The following SLC16A10 variants were observed in gnomAD, a reference collection of about 807,000 sequenced individuals.
SLC16A10 encodes the protein solute carrier family 16 member 10.
SLC16A10 carries 27 observed loss-of-function variants against 40.0 expected under a neutral mutation model. The observed-to-expected ratio is 0.67, with a 90% CI of 0.50 to 0.93. The LOEUF (loss-of-function observed/expected upper bound fraction) is 0.93. Ranked by LOEUF, SLC16A10 falls within the 40% of genes least tolerant of loss-of-function variation. The probability of loss-of-function intolerance (pLI) is 0.00; values close to 1 mark genes in which losing one functional copy is unlikely to be tolerated. For synonymous variants in SLC16A10, 213 were observed against 249.8 expected, an observed-to-expected ratio of 0.85 and a Z score of 1.39; for missense variants, 529 against 658.2, an observed-to-expected ratio of 0.80 and a Z score of 2.15.
chr6:111,091,721 C>T (rs940857491), intron 1 of SLC16A10, among the ~76,000 whole-genome samples: 2 of 152,198 alleles, frequency 1.3e-5, no homozygotes, highest in African/African-American at 4.8e-5. Context: ...GTTAACTCTT[C>T]CCACGCAATG....
rs1771108666 is a variant in SLC16A10 at position 111,231,074 on chromosome 6, A to G, written c.*8839A>G. The G allele has an allele frequency of 6.6e-6, 1 of 152,212 alleles. No homozygotes were observed. The highest frequency in any genetic ancestry group is 1.5e-5 in the Non-Finnish European group (1 of 68,052). The allele number at this position is 152,212 out of a possible 1,614,324, so 9.4% of individuals were successfully genotyped here. ...TTTTTTTAATAATGTGCAATTTAAT[A>G]TAGATAACCAAAATCTTTTTAATGA... On this transcript the variant is annotated 3_prime_UTR_variant, in exon 6 of 6. Transcript: ENST00000368851.
intron 4 of SLC16A10, among the ~76,000 whole-genome samples, chr6:111,212,869 C>T (rs1383688082): frequency 4.0e-5 from 6 of 151,544 alleles, no homozygotes; most frequent in African/African-American, 7.3e-5. Context: ...AAGTGCATTA[C>T]GTAGAATAAT....
Position 111,177,569 on chromosome 6 carries a change from T to G in SLC16A10, c.846T>G (p.Ile282Met), listed in dbSNP as rs1447099669. The G allele has an allele frequency of 3.7e-6, 6 of 1,612,362 alleles. No homozygotes were observed. The highest frequency in any genetic ancestry group is 3.3e-5 in the South Asian group (3 of 90,968). Residue 282 changes from isoleucine to methionine, a missense_variant, in exon 3 of 6, where the codon ATT becomes ATG. Ile to Met is a conservative substitution (Grantham distance 10). Transcript: ENST00000368851. ...AAAAGTTCAGTCCTCCAAAAAAAAT[T>G]TTCAATTTTGCCATCTTCAAGGTGA... ...SRKKFSPPKK[I>M]FNFAIFKVTA...
At chr6:111,221,066 C>T (rs887641272) in intron 5 of SLC16A10, among the ~76,000 whole-genome samples, 4 of 152,168 alleles carry the variant, frequency 2.6e-5, no homozygotes, top group Non-Finnish European at 5.9e-5. Context: ...GACAAATGGT[C>T]AGCTATTTAT....
chr6:111,209,048 TTG>T (rs1773298746), intron 4 of SLC16A10, among the ~76,000 whole-genome samples: 1 of 151,098 alleles, frequency 6.6e-6, no homozygotes, highest in Non-Finnish European at 1.5e-5. Flanking sequence ...AAAAAAAAAA[TTG>T]TTTTAAGTTA....
chr6:111,213,543 G>T (rs1198978099), intron 4 of SLC16A10, among the ~76,000 whole-genome samples: 1 of 152,152 alleles, frequency 6.6e-6, no homozygotes, highest in Non-Finnish European at 1.5e-5. Flanking sequence ...TGGGATGAGG[G>T]TATATACTTT....
intron 1 of SLC16A10, among the ~76,000 whole-genome samples, chr6:111,136,837 C>T (rs1771888111): frequency 6.6e-6 from 1 of 152,198 alleles, no homozygotes; most frequent in Non-Finnish European, 1.5e-5. Flanking sequence ...TAATAGCCCT[C>T]ACTCAGGCAC....
At chr6:111,137,521 G>C (rs149898617) in intron 1 of SLC16A10, among the ~76,000 whole-genome samples, 341 of 152,314 alleles carry the variant, frequency 2.2e-3, no homozygotes, top group African/African-American at 7.4e-3. Flanking sequence ...AGCTACAAAT[G>C]GTTCTTCAAA....
At chr6:111,121,199 G>A (rs116091368) in intron 1 of SLC16A10, among the ~76,000 whole-genome samples, 6 of 152,260 alleles carry the variant, frequency 3.9e-5, no homozygotes, top group African/African-American at 1.4e-4. Context: ...CTCCCTGTTG[G>A]AGGAATTGAG....
chr6:111,151,109 A>C (rs1772165675), intron 1 of SLC16A10, among the ~76,000 whole-genome samples: 1 of 152,202 alleles, frequency 6.6e-6, no homozygotes, highest in African/African-American at 2.4e-5. Context: ...TTCCCAAACA[A>C]TAATTTGTTC....
intron 4 of SLC16A10, among the ~76,000 whole-genome samples, chr6:111,207,737 C>T (rs551227742): frequency 6.6e-6 from 1 of 152,200 alleles, no homozygotes; most frequent in East Asian, 1.9e-4. Flanking sequence ...CGAGCAGAGA[C>T]AAACACATGG....
At chr6:111,116,132 G>A (rs894714774) in intron 1 of SLC16A10, among the ~76,000 whole-genome samples, 2 of 151,936 alleles carry the variant, frequency 1.3e-5, no homozygotes, top group African/African-American at 4.8e-5. Context: ...AGCATCTCGC[G>A]TAATGACTCA....
chr6:111,175,998 G>A (rs764086596), intron 2 of SLC16A10, among the ~76,000 whole-genome samples: 3 of 152,064 alleles, frequency 2.0e-5, no homozygotes, highest in Non-Finnish European at 4.4e-5. Context: ...TCTGGCCAAG[G>A]ACCAGATTTT....
intron 3 of SLC16A10, among the ~76,000 whole-genome samples, chr6:111,205,353 A>C (rs978210969): frequency 6.6e-6 from 1 of 152,126 alleles, no homozygotes; most frequent in Non-Finnish European, 1.5e-5. Flanking sequence ...CAGAACTCAG[A>C]CCAATGTGTG....
At chr6:111,192,518 C>T (rs1392662339) in intron 3 of SLC16A10, among the ~76,000 whole-genome samples, 1 of 152,164 alleles carries the variant, frequency 6.6e-6, no homozygotes, top group East Asian at 1.9e-4. Context: ...CAACCTCTGC[C>T]TGTTACCCAG....
At chr6:111,148,233 T>G (rs1389474505) in intron 1 of SLC16A10, among the ~76,000 whole-genome samples, 3 of 152,204 alleles carry the variant, frequency 2.0e-5, no homozygotes, top group African/African-American at 7.2e-5. Context: ...TAATGAACTC[T>G]TCTATATAAA....
intron 5 of SLC16A10, among the ~76,000 whole-genome samples, chr6:111,221,564 G>A (rs1374220807): frequency 6.6e-6 from 1 of 151,850 alleles, no homozygotes. Flanking sequence ...TGGGTAATGT[G>A]ACAAAACCCC....
At chr6:111,089,938 T>A (rs1177046381) in intron 1 of SLC16A10, among the ~76,000 whole-genome samples, 4 of 124,354 alleles carry the variant, frequency 3.2e-5, no homozygotes, top group Non-Finnish European at 6.7e-5. Context: ...TTTTTTTTTT[T>A]TTTTTTTTGA....
At chr6:111,114,675 T>C (rs761506539) in intron 1 of SLC16A10, among the ~76,000 whole-genome samples, 1 of 152,070 alleles carries the variant, frequency 6.6e-6, no homozygotes, top group Non-Finnish European at 1.5e-5. Flanking sequence ...TGTGGTAATC[T>C]CTATAAAGGG....
Sources: gnomAD v4.1 joint callset for allele counts (sites outside exome capture counted in the v4.1 genomes callset) on GRCh38, gnomAD v4.1.1 for gene constraint, MANE v1.5 for transcripts, NCBI Gene and HGNC (gene_info 2026-07-23, HGNC 2026-07-21) for gene names.